USP24: variants seen among roughly 807,000 people sequenced by gnomAD.
USP24 encodes ubiquitin carboxyl-terminal hydrolase 24.
A neutral mutation model predicts 361.6 loss-of-function variants in USP24; 97 were observed. The observed-to-expected ratio is 0.27, with a 90% CI of 0.23 to 0.32. USP24 has a LOEUF of 0.32. Ranked by LOEUF, USP24 falls within the 10% of genes least tolerant of loss-of-function variation. The probability of loss-of-function intolerance (pLI) is 1.00; values close to 1 mark genes in which losing one functional copy is unlikely to be tolerated. For missense variants in USP24, 2,353 were observed against 3,165.6 expected (o/e 0.74, Z 6.16); for synonymous variants, 1,098 against 1,124.6 (o/e 0.98, Z 0.47).
At chr1:55,074,107 T>TAAAAAAAAAAAAAAAAAAAAAAA (rs34911935) in intron 63 of USP24, among the ~76,000 whole-genome samples, 1 of 123,484 alleles carries the variant, frequency 8.1e-6, no homozygotes, top group Admixed American at 8.2e-5. Flanking sequence ...TAAGTATGTT[T>TAAAAAAAAAAAAAAAAAAAAAAA]AAAAAAAAAA....
intron 60 of USP24, among the ~76,000 whole-genome samples, chr1:55,079,275 T>C (rs1217305745): frequency 1.3e-5 from 2 of 152,126 alleles, no homozygotes; most frequent in Non-Finnish European, 2.9e-5. Flanking sequence ...AACGAAATGA[T>C]TTTGATGGAT....
At chr1:55,137,970 TGA>T in intron 26 of USP24, 66 bp from the exon 27 acceptor site, 1 of 1,456,388 alleles carries the variant, frequency 6.9e-7, no homozygotes, top group South Asian at 1.2e-5. Flanking sequence ...CAACTGTGAG[TGA>T]ACATCTACTA....
In USP24 at chr1:55,075,446, G is replaced by A. The variant is rs1333617706; in HGVS notation, c.7447+11C>T. The stretch of plus-strand genomic sequence containing the variant: ...CTATAGACATTTGTGCATAAGACCA[G>A]GCATACTTGCCTAGTAATCCATTTT... On this transcript the variant is annotated intron_variant, in intron 63 of 67. Coordinates refer to ENST00000294383, the MANE Select transcript of USP24 (RefSeq NM_015306.3). 2 of 1,595,044 alleles carry A rather than the reference G, an allele frequency of 1.3e-6. No homozygotes were observed. Among genetic ancestry groups the A allele is most frequent in the South Asian group, 2.3e-5 (2 of 87,584 alleles).
chr1:55,081,079 G>A (rs1283366704), intron 59 of USP24, among the ~76,000 whole-genome samples: 2 of 151,998 alleles, frequency 1.3e-5, no homozygotes, highest in East Asian at 3.9e-4. Context: ...CTAAAGAGTT[G>A]TTTTAAAAAA....
At chr1:55,083,439 G>A in intron 57 of USP24, 75 bp from the exon 58 acceptor site, 1 of 1,411,892 alleles carries the variant, frequency 7.1e-7, no homozygotes, top group Non-Finnish European at 9.8e-7. Context: ...ACAGCTAAAT[G>A]GAAAGTTTTA....
chr1:55,106,927 A>C (rs1298481071), intron 40 of USP24, among the ~76,000 whole-genome samples: 3 of 152,224 alleles, frequency 2.0e-5, no homozygotes, highest in Non-Finnish European at 4.4e-5. Context: ...ACAGACAGTA[A>C]ATTATGTATT....
intron 1 of USP24, among the ~76,000 whole-genome samples, chr1:55,188,545 A>G (rs138392712): frequency 6.6e-5 from 10 of 152,308 alleles, no homozygotes; most frequent in Non-Finnish European, 1.3e-4. Flanking sequence ...AGATTTGAAT[A>G]AATGTTTCTC....
chr1:55,146,977 G>A lies in USP24; in HGVS notation c.2202C>T (p.Ile734=). ...LYLGWNRAKE[I]WECLVTGQDV... ...CCTGGCCAGTTACAAGACACTCCCAGATCTCCTTGGCACGATTCCAGCCCA... is the reference window on the plus strand; with the variant it reads ...CCTGGCCAGTTACAAGACACTCCCAAATCTCCTTGGCACGATTCCAGCCCA... Residue 734 remains isoleucine (I), a synonymous_variant, in exon 19 of 68, where the codon ATC becomes ATT. Coordinates refer to ENST00000294383, the MANE Select transcript of USP24 (RefSeq NM_015306.3). 6.2e-7 allele frequency: 1 copy of A among 1,611,132 alleles called. No individual in the cohort carries two copies. The highest frequency in any genetic ancestry group is 1.1e-5 in the South Asian group (1 of 90,882).
At chr1:55,155,877 A>C (rs1647601586) in intron 12 of USP24, among the ~76,000 whole-genome samples, 1 of 152,140 alleles carries the variant, frequency 6.6e-6, no homozygotes, top group African/African-American at 2.4e-5. Flanking sequence ...TTAAAGTAAA[A>C]GCACCTCCAA....
rs921152879 is a variant in USP24 at position 55,095,354 on chromosome 1, T to C, written c.6104A>G (p.Tyr2035Cys). The C allele has an allele frequency of 6.2e-7, 1 of 1,613,416 alleles. No homozygotes were observed. Among genetic ancestry groups the C allele is most frequent in the South Asian group, 1.1e-5 (1 of 90,950 alleles). Residue 2035 changes from tyrosine to cysteine, a missense_variant, in exon 51 of 68, where the codon TAT (tyrosine) becomes TGT (cysteine). Tyr to Cys is a radical substitution (Grantham distance 194, BLOSUM62 -2). This residue lies in a region of USP24 where 598 missense variants were observed against 761.9 expected (regional missense o/e 0.78). Coordinates refer to ENST00000294383, the MANE Select transcript of USP24 (RefSeq NM_015306.3). ...AGACACCCTTTGGTAGAAAAGCATA[T>C]AGGCATTCCAGTATCTTCGGCGCAC... ...TDVRRRYWNAYMLFYQRVSDQ... is the reference protein window; with the variant it reads ...TDVRRRYWNACMLFYQRVSDQ...
chr1:55,087,698 G>A lies in USP24; in HGVS notation c.6669-1660C>T, dbSNP rs368985388. ...GCTTGCTATTTGCCAGCCTCTTTGT[G>A]TCTAGTAGGGAATGAACTGAACCTG... On this transcript the variant is annotated intron_variant, in intron 55 of 67. Coordinates refer to ENST00000294383, the MANE Select transcript of USP24 (RefSeq NM_015306.3). 9.8e-5 allele frequency among the ~76,000 whole-genome samples: 15 copies of A among 152,300 alleles called. No homozygotes were observed. In the East Asian group the frequency reaches 2.5e-3, roughly 25 times the overall value.
At chr1:55,126,866 C>A (rs1420814500) in intron 32 of USP24, among the ~76,000 whole-genome samples, 1 of 152,160 alleles carries the variant, frequency 6.6e-6, no homozygotes, top group Non-Finnish European at 1.5e-5. Context: ...GGTGTCCATG[C>A]CTACCTCACC....
chr1:55,152,901 T>C (rs940915742), intron 16 of USP24, among the ~76,000 whole-genome samples: 4 of 152,224 alleles, frequency 2.6e-5, no homozygotes, highest in Non-Finnish European at 5.9e-5. Context: ...AAGAGTCTCT[T>C]AATATACCAA....
intron 52 of USP24, chr1:55,093,533 T>C: frequency 6.0e-6 from 1 of 167,486 alleles, no homozygotes; most frequent in East Asian, 1.6e-4. Context: ...ACAGTAGGTG[T>C]TCAATAAATA....
At chr1:55,164,325 T>C (rs1435478710) in intron 7 of USP24, among the ~76,000 whole-genome samples, 1 of 151,996 alleles carries the variant, frequency 6.6e-6, no homozygotes, top group African/African-American at 2.4e-5. Context: ...CCTAGGTATG[T>C]GTGTGGGGAT....
chr1:55,088,202 A>C (rs1303543922), intron 55 of USP24, among the ~76,000 whole-genome samples: 1 of 152,228 alleles, frequency 6.6e-6, no homozygotes, highest in African/African-American at 2.4e-5. Flanking sequence ...AAAAGTGCAG[A>C]TATCAAGTAG....
intron 11 of USP24, 69 bp from the exon 12 acceptor site, chr1:55,157,120 G>T: frequency 6.9e-7 from 1 of 1,440,824 alleles, no homozygotes; most frequent in Non-Finnish European, 9.6e-7. Context: ...TAATTCTATT[G>T]ATTCAAAACA....
In USP24 at chr1:55,066,713, C is replaced by T. The variant is rs955526797; in HGVS notation, c.*2332G>A. ...ATGCTTGTTTTCTTTCCCAGGATGC[C>T]TTCAACGGGCAGAATCGGCCATCTT... is the stretch of plus-strand genomic sequence containing the variant. On this transcript the variant is annotated 3_prime_UTR_variant, in exon 68 of 68. Transcript: ENST00000294383. 6.6e-6 allele frequency: 1 copy of T among 152,162 alleles called. No homozygotes were observed. The highest frequency in any genetic ancestry group is 1.5e-5 in the Non-Finnish European group (1 of 68,042). The allele number at this position is 152,162 out of a possible 1,614,324, so 9.4% of individuals were successfully genotyped here.
At chr1:55,097,504 T>C in intron 48 of USP24, 94 bp downstream of exon 48, 1 of 1,474,592 alleles carries the variant, frequency 6.8e-7, no homozygotes, top group Non-Finnish European at 9.0e-7. Flanking sequence ...AGCCTTAACA[T>C]GGTAGACAGA....
Sources: allele counts gnomAD v4.1 joint callset (sites outside exome capture counted in the v4.1 genomes callset), GRCh38; gene constraint gnomAD v4.1.1; regional missense constraint gnomAD v4.1.1; transcripts MANE v1.5; gene names NCBI Gene and HGNC (gene_info 2026-07-23, HGNC 2026-07-21).